Variants in CTNNA2 observed in about 807,000 individuals in gnomAD.
CTNNA2 encodes catenin alpha 2.
A neutral mutation model predicts 101.0 loss-of-function variants in CTNNA2; 42 were observed. The ratio of observed to expected loss-of-function variants is 0.42; its 90% CI spans 0.32 to 0.54. CTNNA2 has a LOEUF of 0.54. CTNNA2 is among the 20% of genes least tolerant of loss of function. The pLI is 0.14. For missense variants in CTNNA2, 871 were observed against 1,223.1 expected, an observed-to-expected ratio of 0.71 and a Z score of 4.29; for synonymous variants, 450 against 456.4, an observed-to-expected ratio of 0.99 and a Z score of 0.18.
At chr2:80,226,520 C>T (rs191263287) in intron 7 of CTNNA2, among the ~76,000 whole-genome samples, 14 of 152,324 alleles carry the variant, frequency 9.2e-5, no homozygotes, top group South Asian at 2.1e-4. Context: ...GTACATCTCT[C>T]GGATCCAACT....
intron 9 of CTNNA2, among the ~76,000 whole-genome samples, chr2:80,425,020 A>G (rs1680870139): frequency 6.6e-6 from 1 of 152,174 alleles, no homozygotes; most frequent in African/African-American, 2.4e-5. Context: ...TCTTCCTCTC[A>G]GCAGCGACCT....
At chr2:80,109,910 G>T (rs1454396853) in intron 7 of CTNNA2, among the ~76,000 whole-genome samples, 2 of 152,148 alleles carry the variant, frequency 1.3e-5, no homozygotes, top group African/African-American at 4.8e-5. Flanking sequence ...GTGACTTGTT[G>T]ACTAGTCTAA....
At chr2:79,387,505 A>G (rs904230972) in intron 4 of CTNNA2, among the ~76,000 whole-genome samples, 4 of 152,218 alleles carry the variant, frequency 2.6e-5, no homozygotes, top group African/African-American at 4.8e-5. Context: ...GGTAAAGCTG[A>G]CATTTGGAAA....
chr2:80,205,287 C>A (rs746800153), intron 7 of CTNNA2, among the ~76,000 whole-genome samples: 3 of 151,964 alleles, frequency 2.0e-5, no homozygotes, highest in Admixed American at 6.6e-5. Context: ...AGAAAAAAAA[C>A]CATACACACA....
At chr2:79,626,140 T>G (rs1679287090) in intron 1 of CTNNA2, among the ~76,000 whole-genome samples, 1 of 152,296 alleles carries the variant, frequency 6.6e-6, no homozygotes, top group African/African-American at 2.4e-5. Context: ...TAACCAGAAG[T>G]TGAATCCTAG....
intron 3 of CTNNA2, among the ~76,000 whole-genome samples, chr2:79,318,459 C>G (rs1676547482): frequency 6.6e-6 from 1 of 152,180 alleles, no homozygotes; most frequent in Non-Finnish European, 1.5e-5. Flanking sequence ...GGTTCCAGTT[C>G]ACTTTGAATT....
chr2:79,334,383 G>T (rs769490358), intron 3 of CTNNA2, among the ~76,000 whole-genome samples: 15 of 152,094 alleles, frequency 9.9e-5, no homozygotes, highest in Non-Finnish European at 1.8e-4. Context: ...AAAAAAAGCT[G>T]CCTGTTTATT....
chr2:79,812,250 G>A (rs949746625), intron 3 of CTNNA2, among the ~76,000 whole-genome samples: 1 of 151,852 alleles, frequency 6.6e-6, no homozygotes. Context: ...TATTGCACTG[G>A]CTAGGACTTC....
intron 1 of CTNNA2, chr2:79,524,714 A>G (rs1672305932): frequency 6.6e-6 from 1 of 152,010 alleles, no homozygotes; most frequent in Non-Finnish European, 1.5e-5. Flanking sequence ...ACTGTACTCC[A>G]GACACACCTA....
intron 5 of CTNNA2, among the ~76,000 whole-genome samples, chr2:79,506,862 G>T (rs1671424156): frequency 6.6e-6 from 1 of 152,110 alleles, no homozygotes; most frequent in Non-Finnish European, 1.5e-5. Context: ...AGCATCTTGT[G>T]GTCACAGGAG....
intron 7 of CTNNA2, among the ~76,000 whole-genome samples, chr2:80,292,004 A>G (rs889152197): frequency 1.3e-5 from 2 of 152,170 alleles, no homozygotes; most frequent in African/African-American, 4.8e-5. Flanking sequence ...CACTGCCTCC[A>G]TATCCCTCTT....
chr2:80,573,640 C>T (rs1291473923), intron 12 of CTNNA2, among the ~76,000 whole-genome samples: 1 of 152,168 alleles, frequency 6.6e-6, no homozygotes, highest in Non-Finnish European at 1.5e-5. Context: ...TTAAGGTCTG[C>T]TACTCACCAG....
At chr2:80,590,735 T>C (rs943441053) in intron 15 of CTNNA2, among the ~76,000 whole-genome samples, 5 of 152,202 alleles carry the variant, frequency 3.3e-5, no homozygotes, top group African/African-American at 1.2e-4. Flanking sequence ...GGAATGATTT[T>C]ACTGTTATGA....
intron 3 of CTNNA2, among the ~76,000 whole-genome samples, chr2:79,835,118 T>G (rs547321559): frequency 1.4e-4 from 21 of 152,334 alleles, no homozygotes; most frequent in African/African-American, 5.0e-4. Flanking sequence ...TTAAAAATTC[T>G]TCACAATCCT....
At chr2:79,645,850 G>A (rs1479564446) in intron 1 of CTNNA2, among the ~76,000 whole-genome samples, 1 of 152,216 alleles carries the variant, frequency 6.6e-6, no homozygotes, top group Non-Finnish European at 1.5e-5. Flanking sequence ...CATACGTGCA[G>A]AGGTAGGTGA....
Position 79,842,824 on chromosome 2 carries a change from C to CTGTTAT in CTNNA2, c.299-15185_299-15180dup, listed in dbSNP as rs1368214580. Among the ~76,000 whole-genome samples, 14 of 152,076 alleles carry CTGTTAT rather than the reference C, an allele frequency of 9.2e-5. No homozygotes were observed. The East Asian group carries it at 2.5e-3, about 27-fold the overall frequency. Reference sequence around the variant, plus strand: ...CTACTAAGTACATTATAAAAGACAGCTGTTATTGTATTTTACATCATAGAA... The same window carrying CTGTTAT: ...CTACTAAGTACATTATAAAAGACAGCTGTTATTGTTATTGTATTTTACATCATAGAA... On this transcript the variant is annotated intron_variant, in intron 3 of 18. Coordinates refer to ENST00000402739, the MANE Select transcript of CTNNA2 (RefSeq NM_001282597.3).
chr2:80,110,528 A>G (rs931962129), intron 7 of CTNNA2, among the ~76,000 whole-genome samples: 1 of 152,212 alleles, frequency 6.6e-6, no homozygotes, highest in Admixed American at 6.5e-5. Flanking sequence ...ATGAGAATTA[A>G]TTAGCTAAAG....
intron 7 of CTNNA2, among the ~76,000 whole-genome samples, chr2:80,171,725 C>T (rs1313150870): frequency 6.6e-6 from 1 of 152,154 alleles, no homozygotes; most frequent in Admixed American, 6.5e-5. Flanking sequence ...TGAAATTGCA[C>T]ACATCACGTC....
intron 2 of CTNNA2, among the ~76,000 whole-genome samples, chr2:79,305,319 T>TATATATAC (rs544931710): frequency 5.4e-5 from 8 of 147,982 alleles, no homozygotes; most frequent in South Asian, 4.2e-4. Context: ...TATATACACA[T>TATATATAC]ATATATACAT....
Sources: allele counts gnomAD v4.1 joint callset (sites outside exome capture counted in the v4.1 genomes callset), GRCh38; gene constraint gnomAD v4.1.1; transcripts MANE v1.5; gene names NCBI Gene and HGNC (gene_info 2026-07-23, HGNC 2026-07-21).